PRKCA: variants seen among roughly 807,000 people sequenced by gnomAD.
PRKCA encodes the protein protein kinase C alpha type.
In PRKCA, 27 loss-of-function variants were observed where a neutral mutation model predicts 87.0. The observed-to-expected ratio is 0.31, with a 90% CI of 0.23 to 0.43. PRKCA has a LOEUF of 0.43. PRKCA is among the 20% of genes least tolerant of loss of function. The probability of loss-of-function intolerance (pLI) is 1.00; values close to 1 mark genes in which losing one functional copy is unlikely to be tolerated. For synonymous variants in PRKCA, 329 were observed against 311.1 expected (o/e 1.06, Z -0.61); for missense variants, 518 against 852.3 (o/e 0.61, Z 4.88).
intron 2 of PRKCA, chr17:66,403,915 A>G (rs1567811184): frequency 6.6e-6 from 1 of 152,198 alleles, no homozygotes; most frequent in Non-Finnish European, 1.5e-5. Context: ...TATTTTATTT[A>G]TTGTTCAGGT....
At chr17:66,793,079 C>T (rs1422039101) in intron 16 of PRKCA, among the ~76,000 whole-genome samples, 1 of 152,236 alleles carries the variant, frequency 6.6e-6, no homozygotes, top group African/African-American at 2.4e-5. Context: ...GCCCTGGACA[C>T]AGGCAGCCAA....
intron 2 of PRKCA, among the ~76,000 whole-genome samples, chr17:66,483,975 C>T (rs1332397046): frequency 6.6e-6 from 1 of 151,980 alleles, no homozygotes; most frequent in African/African-American, 2.4e-5. Context: ...ATACCCGAGA[C>T]TAGGTAATTT....
chr17:66,602,898 G>A (rs539216043), intron 3 of PRKCA, among the ~76,000 whole-genome samples: 120 of 152,266 alleles, frequency 7.9e-4, no homozygotes, highest in Admixed American at 3.0e-3. Context: ...CTCCTCTTCC[G>A]GGGCGGTAAC....
At chr17:66,420,193 T>G (rs904868040) in intron 2 of PRKCA, among the ~76,000 whole-genome samples, 2 of 152,000 alleles carry the variant, frequency 1.3e-5, no homozygotes, top group East Asian at 1.9e-4. Context: ...GTATTTTTAG[T>G]AGAGACGGAG....
At chr17:66,321,657 C>T (rs757349070) in intron 2 of PRKCA, among the ~76,000 whole-genome samples, 4 of 152,170 alleles carry the variant, frequency 2.6e-5, no homozygotes, top group Admixed American at 6.5e-5. Flanking sequence ...GATTCTCCTG[C>T]GTCAGCCTCC....
intron 2 of PRKCA, among the ~76,000 whole-genome samples, chr17:66,492,668 A>G (rs1916296996): frequency 6.6e-6 from 1 of 152,232 alleles, no homozygotes; most frequent in African/African-American, 2.4e-5. Flanking sequence ...ATTCCAGTGG[A>G]TGAAAGATGA....
At chr17:66,585,499 T>A (rs1969565717) in intron 3 of PRKCA, among the ~76,000 whole-genome samples, 1 of 152,258 alleles carries the variant, frequency 6.6e-6, no homozygotes, top group African/African-American at 2.4e-5. Flanking sequence ...AAATAATTTC[T>A]TTCTAGTTCC....
chr17:66,451,343 A>AATTAATTTATTT (rs146230545), intron 2 of PRKCA, among the ~76,000 whole-genome samples: 190 of 144,956 alleles, frequency 1.3e-3, no homozygotes, highest in South Asian at 6.4e-3. Context: ...ACGGAGTTAG[A>AATTAATTTATTT]ATTTATTTAT....
chr17:66,608,010 C>T (rs916436067), intron 3 of PRKCA, among the ~76,000 whole-genome samples: 7 of 152,114 alleles, frequency 4.6e-5, no homozygotes, highest in South Asian at 2.1e-4. Context: ...GTGGGTGATA[C>T]GCATTAGGGT....
intron 3 of PRKCA, among the ~76,000 whole-genome samples, chr17:66,573,897 G>A (rs1158925454): frequency 1.3e-5 from 2 of 152,198 alleles, no homozygotes; most frequent in Non-Finnish European, 1.5e-5. Context: ...GGCTGAGACT[G>A]GAGGATCACT....
At chr17:66,392,121 G>A (rs1910396456) in intron 2 of PRKCA, among the ~76,000 whole-genome samples, 1 of 151,862 alleles carries the variant, frequency 6.6e-6, no homozygotes, top group Admixed American at 6.6e-5. Flanking sequence ...TCCCAGCTAC[G>A]CAGGAGGCTG....
intron 2 of PRKCA, among the ~76,000 whole-genome samples, chr17:66,345,113 C>T (rs747736537): frequency 1.3e-5 from 2 of 152,204 alleles, no homozygotes; most frequent in African/African-American, 2.4e-5. Context: ...CTTTCCCCCG[C>T]ACCCTCTATT....
intron 8 of PRKCA, among the ~76,000 whole-genome samples, chr17:66,702,046 C>T (rs1028469324): frequency 6.6e-6 from 1 of 151,936 alleles, no homozygotes; most frequent in African/African-American, 2.4e-5. Context: ...TCACAATAGC[C>T]AAGATATGGA....
chr17:66,652,138 T>C (rs1201178082), intron 5 of PRKCA, among the ~76,000 whole-genome samples: 1 of 152,154 alleles, frequency 6.6e-6, no homozygotes, highest in Non-Finnish European at 1.5e-5. Context: ...TTTGTTTTTT[T>C]GGTAGAGACA....
At chr17:66,645,603 G>A in intron 5 of PRKCA, 92 bp downstream of exon 5, 1 of 1,549,814 alleles carries the variant, frequency 6.5e-7, no homozygotes, top group Non-Finnish European at 8.8e-7. Context: ...TGGGCTGGAT[G>A]CCCTGAGGCC....
chr17:66,789,825 C>T (rs1329971767), intron 16 of PRKCA, among the ~76,000 whole-genome samples: 2 of 152,202 alleles, frequency 1.3e-5, no homozygotes, highest in East Asian at 1.9e-4. Flanking sequence ...TTGATTGCGG[C>T]CAGCAAGTGC....
chr17:66,610,621 C>A lies in PRKCA; in HGVS notation c.289-30734C>A, dbSNP rs182812780. Among the ~76,000 whole-genome samples the A allele has an allele frequency of 2.6e-5, 4 of 152,336 alleles. No homozygotes were observed. In the East Asian group the frequency reaches 7.7e-4, roughly 29 times the overall value. On this transcript the variant is annotated intron_variant, in intron 3 of 16. Coordinates refer to ENST00000413366, the MANE Select transcript of PRKCA (RefSeq NM_002737.3). ...TGCTTGAGTCGCAAAGGAAATAACACTCGAACAGAAAATATCTCAGCAAAG... is the reference window on the plus strand; with the variant it reads ...TGCTTGAGTCGCAAAGGAAATAACAATCGAACAGAAAATATCTCAGCAAAG...
At chr17:66,741,397 C>T (rs1436979386) in intron 11 of PRKCA, among the ~76,000 whole-genome samples, 1 of 152,212 alleles carries the variant, frequency 6.6e-6, no homozygotes, top group East Asian at 1.9e-4. Flanking sequence ...AATTACTCTG[C>T]AGGCAATAAG....
At chr17:66,652,426 G>C (rs1396934342) in intron 5 of PRKCA, among the ~76,000 whole-genome samples, 3 of 152,170 alleles carry the variant, frequency 2.0e-5, no homozygotes, top group Admixed American at 6.5e-5. Context: ...GTACCAGTGT[G>C]ACATTTCTGG....
Sources: allele counts gnomAD v4.1 joint callset (sites outside exome capture counted in the v4.1 genomes callset), GRCh38; gene constraint gnomAD v4.1.1; transcripts MANE v1.5; gene names NCBI Gene and HGNC (gene_info 2026-07-23, HGNC 2026-07-21).